GRID1: variants seen among roughly 807,000 people sequenced by gnomAD.
The protein encoded by GRID1 is glutamate ionotropic receptor delta type subunit 1.
Under a neutral mutation model 98.0 loss-of-function variants are expected in GRID1, and 28 were observed. The ratio of observed to expected loss-of-function variants is 0.29; its 90% CI spans 0.21 to 0.39. The LOEUF is 0.39. Among genes scored for constraint, GRID1 ranks in the 10% least tolerant of loss-of-function variants. The probability of loss-of-function intolerance (pLI) is 1.00; values close to 1 mark genes in which losing one functional copy is unlikely to be tolerated. For missense variants in GRID1, 1,111 were observed against 1,340.5 expected, an observed-to-expected ratio of 0.83 and a Z score of 2.67; for synonymous variants, 553 against 538.5, an observed-to-expected ratio of 1.03 and a Z score of -0.37.
chr10:85,908,327 T>C (rs1019023640), intron 5 of GRID1, among the ~76,000 whole-genome samples: 1 of 152,182 alleles, frequency 6.6e-6, no homozygotes, highest in Non-Finnish European at 1.5e-5. Flanking sequence ...TTTTGGTAAG[T>C]GGGTTTAGCA....
chr10:85,885,080 T>G (rs1425453307), intron 5 of GRID1, among the ~76,000 whole-genome samples: 1 of 152,238 alleles, frequency 6.6e-6, no homozygotes, highest in East Asian at 1.9e-4. Flanking sequence ...AATCGCTGTC[T>G]CTAATTCTCT....
At chr10:85,689,745 A>T (rs1841311882) in intron 12 of GRID1, among the ~76,000 whole-genome samples, 1 of 152,166 alleles carries the variant, frequency 6.6e-6, no homozygotes. Context: ...TAAAAGGAGG[A>T]GGAAGGACAC....
At chr10:85,679,420 T>C (rs1054607413) in intron 12 of GRID1, among the ~76,000 whole-genome samples, 8 of 152,232 alleles carry the variant, frequency 5.3e-5, no homozygotes, top group Non-Finnish European at 8.8e-5. Flanking sequence ...TTGAAGGCTC[T>C]GAGTTTAGCA....
At chr10:86,211,416 C>G (rs1050772670) in intron 2 of GRID1, among the ~76,000 whole-genome samples, 1 of 152,218 alleles carries the variant, frequency 6.6e-6, no homozygotes, top group Non-Finnish European at 1.5e-5. Flanking sequence ...CCAGCCCCCC[C>G]ACCTGCACCC....
chr10:85,647,478 T>C, intron 12 of GRID1, 81 bp from the exon 13 acceptor site: 1 of 1,083,516 alleles, frequency 9.2e-7, no homozygotes, highest in Non-Finnish European at 1.4e-6. Flanking sequence ...TGCAAGGCCC[T>C]TCTGAACTCC....
intron 2 of GRID1, among the ~76,000 whole-genome samples, chr10:86,361,599 C>T (rs374927931): frequency 3.0e-4 from 45 of 152,322 alleles, no homozygotes; most frequent in Middle Eastern, 3.4e-3. Context: ...TGGGTGGAAC[C>T]TTTGTCCCCA....
intron 3 of GRID1, among the ~76,000 whole-genome samples, chr10:86,159,942 T>C (rs1272333099): frequency 6.6e-6 from 1 of 152,076 alleles, no homozygotes; most frequent in Non-Finnish European, 1.5e-5. Flanking sequence ...ACGACCATCA[T>C]TATCATCACC....
At chr10:86,190,361 C>T (rs945285591) in intron 3 of GRID1, among the ~76,000 whole-genome samples, 1 of 152,204 alleles carries the variant, frequency 6.6e-6, no homozygotes, top group South Asian at 2.1e-4. Flanking sequence ...TGTGCACAGG[C>T]TCCAGTGCAC....
At chr10:85,846,136 A>AT (rs1457617245) in intron 8 of GRID1, among the ~76,000 whole-genome samples, 1 of 152,252 alleles carries the variant, frequency 6.6e-6, no homozygotes, top group East Asian at 1.9e-4. Flanking sequence ...TAGTAAAACC[A>AT]CTAAGAATTC....
chr10:86,064,376 G>C (rs1843690997), intron 4 of GRID1, among the ~76,000 whole-genome samples: 1 of 152,152 alleles, frequency 6.6e-6, no homozygotes, highest in South Asian at 2.1e-4. Flanking sequence ...CCTCTTCTGG[G>C]GAGACAGGGA....
chr10:86,094,417 G>C (rs1248735906), intron 4 of GRID1, among the ~76,000 whole-genome samples: 1 of 152,150 alleles, frequency 6.6e-6, no homozygotes, highest in African/African-American at 2.4e-5. Context: ...GTCACTGTTT[G>C]CTGACAATAT....
At chr10:85,802,907 T>C (rs1590238922) in intron 8 of GRID1, among the ~76,000 whole-genome samples, 1 of 144,562 alleles carries the variant, frequency 6.9e-6, no homozygotes, top group African/African-American at 2.6e-5. Flanking sequence ...TCAAATCAAA[T>C]TGCTTATTTG....
intron 2 of GRID1, among the ~76,000 whole-genome samples, chr10:86,224,704 C>T (rs1400080952): frequency 1.3e-5 from 2 of 152,182 alleles, no homozygotes; most frequent in Admixed American, 1.3e-4. Flanking sequence ...TTTCACCTCC[C>T]TCTACGCAGC....
At position 85,799,344 on chromosome 10, in the gene GRID1, A is replaced by C. The variant is rs12412820; in HGVS notation, c.1233+55152T>G. ...TCTGGGATCTTTTGTAGCTCCATACAAAGTTTAGAACTGTTTTCTTCTATA... is the reference window on the plus strand; with the variant it reads ...TCTGGGATCTTTTGTAGCTCCATACCAAGTTTAGAACTGTTTTCTTCTATA... On this transcript the variant is annotated intron_variant, in intron 8 of 15. Transcript: ENST00000327946. Among the ~76,000 whole-genome samples, 945 of 152,190 alleles carry C rather than the reference A, an allele frequency of 6.2e-3. 24 individuals are homozygous for C. The highest frequency in any genetic ancestry group is 0.042 in the East Asian group (215 of 5,180).
At chr10:85,743,105 G>GC (rs4031782) in intron 8 of GRID1, among the ~76,000 whole-genome samples, 5,399 of 82,600 alleles carry the variant, frequency 0.065, 503 homozygotes, top group East Asian at 0.3. Flanking sequence ...GAATTATGCA[G>GC]CCCCCCCCCC....
At chr10:85,922,217 C>T (rs887648364) in intron 4 of GRID1, among the ~76,000 whole-genome samples, 1 of 152,172 alleles carries the variant, frequency 6.6e-6, no homozygotes, top group African/African-American at 2.4e-5. Context: ...TCTGAGAAAA[C>T]ACCATTATAA....
intron 8 of GRID1, among the ~76,000 whole-genome samples, chr10:85,801,346 A>G (rs896329578): frequency 2.0e-5 from 3 of 151,934 alleles, no homozygotes; most frequent in African/African-American, 7.2e-5. Flanking sequence ...AAAGGAGCAT[A>G]CTGTAACTCG....
chr10:85,951,609 A>G (rs530453475), intron 4 of GRID1, among the ~76,000 whole-genome samples: 3 of 152,150 alleles, frequency 2.0e-5, no homozygotes, highest in African/African-American at 7.2e-5. Context: ...ATGAAGTTTC[A>G]TTGCACATTA....
At chr10:86,055,295 T>C (rs1287050380) in intron 4 of GRID1, among the ~76,000 whole-genome samples, 4 of 152,220 alleles carry the variant, frequency 2.6e-5, no homozygotes, top group African/African-American at 9.6e-5. Flanking sequence ...AAACTCAAGT[T>C]GAGAAAGAAA....
Sources: allele counts gnomAD v4.1 joint callset (sites outside exome capture counted in the v4.1 genomes callset), GRCh38; gene constraint gnomAD v4.1.1; transcripts MANE v1.5; gene names NCBI Gene and HGNC (gene_info 2026-07-23, HGNC 2026-07-21).